The following GRID2 variants were observed in gnomAD, a reference collection of about 807,000 sequenced individuals.
GRID2 encodes glutamate ionotropic receptor delta type subunit 2.
Under a neutral mutation model 114.8 loss-of-function variants are expected in GRID2, and 33 were observed. The observed-to-expected ratio is 0.29, with a 90% CI of 0.22 to 0.38. The LOEUF (loss-of-function observed/expected upper bound fraction) is 0.38. Ranked by LOEUF, GRID2 falls within the 10% of genes least tolerant of loss-of-function variation. The pLI, the probability that GRID2 is intolerant of heterozygous loss-of-function variation, is 1.00. For synonymous variants in GRID2, 505 were observed against 449.9 expected (o/e 1.12, Z -1.55); for missense variants, 1,184 against 1,257.7 (o/e 0.94, Z 0.89).
chr4:92,416,949 G>T (rs1181759939), intron 1 of GRID2, among the ~76,000 whole-genome samples: 1 of 151,716 alleles, frequency 6.6e-6, no homozygotes, highest in Non-Finnish European at 1.5e-5. Context: ...AATTATTATT[G>T]TATTTTAATG....
intron 8 of GRID2, among the ~76,000 whole-genome samples, chr4:93,271,985 A>T (rs1232564016): frequency 1.3e-5 from 2 of 152,314 alleles, no homozygotes; most frequent in East Asian, 3.9e-4. Context: ...GAATAACCTG[A>T]AGATTAAGGG....
chr4:93,646,901 A>T (rs1349719693), intron 14 of GRID2, among the ~76,000 whole-genome samples: 1 of 152,176 alleles, frequency 6.6e-6, no homozygotes, highest in Non-Finnish European at 1.5e-5. Flanking sequence ...GAACTGGTCA[A>T]GCATGAACCC....
intron 8 of GRID2, among the ~76,000 whole-genome samples, chr4:93,322,963 T>C (rs542913921): frequency 8.5e-5 from 13 of 152,268 alleles, no homozygotes; most frequent in African/African-American, 2.9e-4. Flanking sequence ...GTCAGATGAG[T>C]AGACTGCAAA....
intron 1 of GRID2, among the ~76,000 whole-genome samples, chr4:92,450,571 TTG>T (rs1176686317): frequency 4.6e-5 from 7 of 152,080 alleles, no homozygotes; most frequent in Non-Finnish European, 8.8e-5. Context: ...CAGCTTCACT[TTG>T]TGTTTTATTT....
At position 92,892,002 on chromosome 4, in the gene GRID2, C is replaced by G. The variant is rs146455573; in HGVS notation, c.245-192993C>G. 5.6e-3 allele frequency among the ~76,000 whole-genome samples: 851 copies of G among 151,942 alleles called. 7 individuals are homozygous for G. The highest frequency in any genetic ancestry group is 0.02 in the African/African-American group (813 of 41,430). On this transcript the variant is annotated intron_variant, in intron 2 of 15. Coordinates refer to ENST00000282020, the MANE Select transcript of GRID2 (RefSeq NM_001510.4). ...ATGTATTTTGCACCCAAAAGTATCT[C>G]TAAACAGACACATATTTAATTATAT...
At chr4:93,167,260 C>A (rs1228819802) in intron 4 of GRID2, among the ~76,000 whole-genome samples, 2 of 152,056 alleles carry the variant, frequency 1.3e-5, no homozygotes, top group Non-Finnish European at 2.9e-5. Flanking sequence ...TAGAGGCACC[C>A]CATTCCTTGT....
chr4:93,552,676 C>T (rs60823770), intron 13 of GRID2, among the ~76,000 whole-genome samples: 2,400 of 152,188 alleles, frequency 0.016, 59 homozygotes, highest in African/African-American at 0.054. Context: ...GGTACATGTG[C>T]ACAACGTGCA....
chr4:92,495,197 A>G (rs1723328341), intron 1 of GRID2, among the ~76,000 whole-genome samples: 2 of 152,106 alleles, frequency 1.3e-5, no homozygotes, highest in African/African-American at 4.8e-5. Context: ...TTTCTTAACC[A>G]TAAAATTATC....
chr4:93,289,412 G>A (rs536013368), intron 8 of GRID2, among the ~76,000 whole-genome samples: 3 of 152,184 alleles, frequency 2.0e-5, no homozygotes, highest in South Asian at 2.1e-4. Context: ...ATGCATTAGG[G>A]CATGTGGCAA....
rs768124587 is a variant in GRID2, at chr4:93,490,775, C to T, written c.1995C>T (p.Ile665=). Residue 665 remains isoleucine (I), a splice_region_variant and synonymous_variant, in exon 12 of 16, where the codon ATC becomes ATT. Transcript: ENST00000282020. ...FLTITRIESS[I]QSLQDLSKQT... ...CTATTACACGCATTGAAAGTTCCAT[C>T]CAGTAAGTAAACAATGTTTCCATTA... The T allele has an allele frequency of 8.7e-6, 14 of 1,603,738 alleles. No homozygotes were observed. The highest frequency in any genetic ancestry group is 6.8e-5 in the Admixed American group (4 of 59,210).
intron 2 of GRID2, among the ~76,000 whole-genome samples, chr4:92,985,273 G>T (rs1754438059): frequency 6.6e-6 from 1 of 150,588 alleles, no homozygotes; most frequent in Non-Finnish European, 1.5e-5. Flanking sequence ...TCCCAGGCTG[G>T]ACTGCAGTGG....
At chr4:93,446,326 C>T (rs1055766428) in intron 10 of GRID2, among the ~76,000 whole-genome samples, 14 of 151,936 alleles carry the variant, frequency 9.2e-5, no homozygotes, top group African/African-American at 3.4e-4. Flanking sequence ...AAGTTCCTGG[C>T]TAATCCCAAA....
chr4:93,215,663 A>G (rs1744125122), intron 5 of GRID2, among the ~76,000 whole-genome samples: 1 of 152,234 alleles, frequency 6.6e-6, no homozygotes, highest in South Asian at 2.1e-4. Context: ...AGAAAAATCT[A>G]CACTTCATAA....
chr4:92,835,193 A>G (rs978652868), intron 2 of GRID2, among the ~76,000 whole-genome samples: 1 of 5,168 alleles, frequency 1.9e-4, no homozygotes, highest in South Asian at 2.8e-3. Flanking sequence ...GAAAGAGGTA[A>G]AAAAAAAAAA....
chr4:92,307,829 C>T (rs1470267972), intron 1 of GRID2, among the ~76,000 whole-genome samples: 1 of 152,044 alleles, frequency 6.6e-6, no homozygotes, highest in Non-Finnish European at 1.5e-5. Context: ...CTTCTTTGCC[C>T]CAATTAAAGA....
chr4:92,698,022 C>A (rs1403848491), intron 2 of GRID2, among the ~76,000 whole-genome samples: 2 of 152,108 alleles, frequency 1.3e-5, no homozygotes, highest in Admixed American at 1.3e-4. Flanking sequence ...TACATCAACT[C>A]ATTCTGAAAA....
intron 1 of GRID2, among the ~76,000 whole-genome samples, chr4:92,587,850 T>A (rs1418721528): frequency 6.6e-6 from 1 of 152,164 alleles, no homozygotes; most frequent in Non-Finnish European, 1.5e-5. Context: ...CCATCAAAAA[T>A]GTATTACCAA....
intron 1 of GRID2, among the ~76,000 whole-genome samples, chr4:92,343,122 T>C (rs565899449): frequency 7.9e-5 from 12 of 152,264 alleles, no homozygotes; most frequent in Non-Finnish European, 1.5e-4. Flanking sequence ...GCTTATTATA[T>C]TCTCAATATT....
intron 13 of GRID2, among the ~76,000 whole-genome samples, chr4:93,590,092 C>T (rs145027877): frequency 0.18 from 27,286 of 149,476 alleles, 3,382 homozygotes; most frequent in Non-Finnish European, 0.26. Flanking sequence ...CTTTTGTTGT[C>T]ATTGCTTTTG....
Sources: gnomAD v4.1 joint callset for allele counts (sites outside exome capture counted in the v4.1 genomes callset) on GRCh38, gnomAD v4.1.1 for gene constraint, MANE v1.5 for transcripts, NCBI Gene and HGNC (gene_info 2026-07-23, HGNC 2026-07-21) for gene names.